PCDH7: variants seen among roughly 807,000 people sequenced by gnomAD.
PCDH7 encodes protocadherin 7.
Under a neutral mutation model 58.9 loss-of-function variants are expected in PCDH7, and 17 were observed. The observed-to-expected ratio is 0.29, with a 90% CI of 0.20 to 0.43. PCDH7 has a LOEUF of 0.43. PCDH7 is among the 20% of genes least tolerant of loss of function. The pLI, the probability that PCDH7 is intolerant of heterozygous loss-of-function variation, is 1.00. For synonymous variants in PCDH7, 664 were observed against 616.4 expected (o/e 1.08, Z -1.14); for missense variants, 1,274 against 1,441.0 (o/e 0.88, Z 1.88).
downstream of PCDH7, chr4:31,144,656 T>C (rs1316988840): frequency 3.3e-5 from 5 of 152,160 alleles, no homozygotes; most frequent in Non-Finnish European, 7.4e-5. Context: ...TAATTCACTA[T>C]AGGTCTTCAA....
At chr4:30,895,877 A>G (rs944926936) in intron 1 of PCDH7, among the ~76,000 whole-genome samples, 1 of 152,226 alleles carries the variant, frequency 6.6e-6, no homozygotes, top group African/African-American at 2.4e-5. Flanking sequence ...GAATGTGAGA[A>G]ATGAAGATAT....
At chr4:30,822,163 G>A (rs1728459579) in intron 1 of PCDH7, among the ~76,000 whole-genome samples, 1 of 152,056 alleles carries the variant, frequency 6.6e-6, no homozygotes. Flanking sequence ...TTGATAGTGA[G>A]GTCATGAGAG....
chr4:30,969,244 A>G (rs1749325552), intron 3 of PCDH7, among the ~76,000 whole-genome samples: 1 of 152,202 alleles, frequency 6.6e-6, no homozygotes, highest in African/African-American at 2.4e-5. Flanking sequence ...TATACAATGC[A>G]TAAAGAGTCC....
chr4:30,775,226 A>T lies in PCDH7; in HGVS notation c.70+50630A>T, dbSNP rs368623241. ...AAGCAGTCTTGGCTTTTGCTGAGAC[A>T]TGACTAGCTTTTTAAAGTAATGGAA... On this transcript the variant is annotated intron_variant, in intron 1 of 3. Transcript: ENST00000509759. Among the ~76,000 whole-genome samples the T allele has an allele frequency of 8.5e-5, 13 of 152,312 alleles. 1 individual carries two copies. The East Asian group carries it at 1.9e-3, about 23-fold the overall frequency.
chr4:30,805,839 C>T (rs1170835003), intron 1 of PCDH7, among the ~76,000 whole-genome samples: 2 of 152,232 alleles, frequency 1.3e-5, no homozygotes, highest in African/African-American at 4.8e-5. Context: ...TTCTCTGACA[C>T]TTCTATGCTT....
intron 3 of PCDH7, among the ~76,000 whole-genome samples, chr4:30,977,188 T>C (rs1015118729): frequency 5.9e-5 from 9 of 152,208 alleles, no homozygotes; most frequent in Non-Finnish European, 1.3e-4. Flanking sequence ...TTGCAAGAAT[T>C]AGAACTACTA....
chr4:31,000,932 T>A (rs990879942), intron 3 of PCDH7, among the ~76,000 whole-genome samples: 3 of 152,104 alleles, frequency 2.0e-5, no homozygotes, highest in African/African-American at 4.8e-5. Flanking sequence ...AGTCTATGTG[T>A]ACACACCAAT....
At chr4:30,968,287 ACTCTCTCTCTCTCT>A (rs199837200) in intron 3 of PCDH7, among the ~76,000 whole-genome samples, 20,835 of 109,262 alleles carry the variant, frequency 0.19, 3,740 homozygotes, top group African/African-American at 0.28. Context: ...GAAAAAAATT[ACTCTCTCTCTCTCT>A]CTATATATAT....
intron 1 of PCDH7, among the ~76,000 whole-genome samples, chr4:30,870,425 G>A (rs370198212): frequency 7.9e-5 from 12 of 152,060 alleles, no homozygotes; most frequent in African/African-American, 2.9e-4. Context: ...TAGGTCTTAT[G>A]TAAGTCTTTA....
chr4:30,833,574 C>G (rs1730081592), intron 1 of PCDH7, among the ~76,000 whole-genome samples: 2 of 152,284 alleles, frequency 1.3e-5, no homozygotes, highest in Admixed American at 1.3e-4. Flanking sequence ...ATCCCCACCC[C>G]CTGCCACCAC....
chr4:31,090,219 C>T (rs1217793640), intron 3 of PCDH7, among the ~76,000 whole-genome samples: 2 of 151,762 alleles, frequency 1.3e-5, no homozygotes, highest in Admixed American at 1.3e-4. Flanking sequence ...TAAATGTATA[C>T]ATGGTTCTGA....
At chr4:30,831,112 C>G (rs1381153619) in intron 1 of PCDH7, among the ~76,000 whole-genome samples, 1 of 152,104 alleles carries the variant, frequency 6.6e-6, no homozygotes, top group Non-Finnish European at 1.5e-5. Context: ...TTTACCCTCC[C>G]AGGCACTGCT....
intron 3 of PCDH7, among the ~76,000 whole-genome samples, chr4:30,960,734 G>C (rs1196661053): frequency 1.3e-5 from 2 of 152,064 alleles, no homozygotes; most frequent in Admixed American, 6.6e-5. Flanking sequence ...ATCAATTCTA[G>C]CTGTTAAGAA....
intron 2 of PCDH7, among the ~76,000 whole-genome samples, chr4:30,938,584 A>T (rs1745644600): frequency 6.6e-6 from 1 of 152,176 alleles, no homozygotes; most frequent in Middle Eastern, 3.4e-3. Context: ...TTTGAGTAAT[A>T]AATTATCCTT....
chr4:30,857,322 A>G (rs1420202517), intron 1 of PCDH7, among the ~76,000 whole-genome samples: 1 of 152,228 alleles, frequency 6.6e-6, no homozygotes, highest in East Asian at 1.9e-4. Flanking sequence ...AGTCATTAAC[A>G]TTATTATTGA....
intron 1 of PCDH7, among the ~76,000 whole-genome samples, chr4:30,851,009 C>T (rs912569800): frequency 2.6e-5 from 4 of 152,020 alleles, no homozygotes; most frequent in Non-Finnish European, 2.9e-5. Context: ...GGAAGCCAAG[C>T]GATTGTTCTC....
chr4:31,123,801 C>T (rs1002996093), intron 3 of PCDH7, among the ~76,000 whole-genome samples: 11 of 152,160 alleles, frequency 7.2e-5, no homozygotes, highest in East Asian at 1.9e-4. Context: ...ATGGAAGTGG[C>T]TCTCAGTGTG....
intron 1 of PCDH7, among the ~76,000 whole-genome samples, chr4:30,805,622 C>T (rs11732391): frequency 0.11 from 16,758 of 152,162 alleles, 1,228 homozygotes; most frequent in Non-Finnish European, 0.16. Flanking sequence ...TCTTCAGAAA[C>T]GTTTCTCATG....
At chr4:31,109,243 A>G (rs779077586) in intron 3 of PCDH7, among the ~76,000 whole-genome samples, 2 of 152,360 alleles carry the variant, frequency 1.3e-5, no homozygotes, top group South Asian at 4.1e-4. Flanking sequence ...GTCACTTTGC[A>G]AAATATGCAT....
Sources: gnomAD v4.1 joint callset for allele counts (sites outside exome capture counted in the v4.1 genomes callset) on GRCh38, gnomAD v4.1.1 for gene constraint, MANE v1.5 for transcripts, NCBI Gene and HGNC (gene_info 2026-07-23, HGNC 2026-07-21) for gene names.